Variants in CPNE3 observed in about 807,000 individuals in gnomAD.
CPNE3 encodes copine 3.
In CPNE3, 68 loss-of-function variants were observed where a neutral mutation model predicts 63.9. That is an observed-to-expected ratio of 1.06 (90% confidence interval 0.87 to 1.30). The LOEUF (loss-of-function observed/expected upper bound fraction) is 1.30. Ranked by LOEUF, CPNE3 falls within the 50% of genes most tolerant of loss-of-function variation. The pLI, the probability that CPNE3 is intolerant of heterozygous loss-of-function variation, is 0.00. For missense variants in CPNE3, 665 were observed against 578.1 expected (o/e 1.15, Z -1.54); for synonymous variants, 219 against 197.5 (o/e 1.11, Z -0.91).
At chr8:86,536,346 T>C (rs1279231374) in intron 6 of CPNE3, among the ~76,000 whole-genome samples, 1 of 149,380 alleles carries the variant, frequency 6.7e-6, no homozygotes, top group African/African-American at 2.5e-5. Flanking sequence ...ACTTAACATA[T>C]CCTGGAGATC....
At chr8:86,539,919 C>T (rs1381463510) in intron 7 of CPNE3, among the ~76,000 whole-genome samples, 1 of 152,140 alleles carries the variant, frequency 6.6e-6, no homozygotes, top group Non-Finnish European at 1.5e-5. Context: ...CCCGTCTCGG[C>T]CTCCCAAAGT....
chr8:86,540,475 C>A (rs923003306), intron 8 of CPNE3, 141 bp downstream of exon 8: 4 of 375,910 alleles, frequency 1.1e-5, no homozygotes, highest in African/African-American at 8.5e-5. Flanking sequence ...GTGTAGAATA[C>A]TAAAATAGAA....
intron 16 of CPNE3, among the ~76,000 whole-genome samples, chr8:86,557,967 A>C (rs921167686): frequency 6.6e-6 from 1 of 152,202 alleles, no homozygotes; most frequent in African/African-American, 2.4e-5. Flanking sequence ...TTGTAAAAAA[A>C]AGTAAAAAAA....
chr8:86,526,267 G>A (rs1028835843), intron 2 of CPNE3, among the ~76,000 whole-genome samples: 2 of 151,918 alleles, frequency 1.3e-5, no homozygotes, highest in African/African-American at 4.8e-5. Flanking sequence ...CCCCAAATTT[G>A]ATCTTGTTCC....
At chr8:86,555,680 T>A (rs1394015306) in intron 15 of CPNE3, among the ~76,000 whole-genome samples, 2 of 152,066 alleles carry the variant, frequency 1.3e-5, no homozygotes, top group African/African-American at 4.8e-5. Flanking sequence ...TTTGTGTGTA[T>A]TTTAGCTTCT....
intron 2 of CPNE3, among the ~76,000 whole-genome samples, chr8:86,515,929 C>T (rs137932978): frequency 1.7e-3 from 254 of 152,082 alleles, no homozygotes; most frequent in Middle Eastern, 6.8e-3. Flanking sequence ...GGATGGGAAA[C>T]GAAAAGGGAA....
At chr8:86,552,779 G>C (rs1821209608) in intron 14 of CPNE3, among the ~76,000 whole-genome samples, 1 of 148,420 alleles carries the variant, frequency 6.7e-6, no homozygotes, top group South Asian at 2.1e-4. Flanking sequence ...GCATAATTCA[G>C]TTTTAATTAA....
At chr8:86,546,024 A>G (rs1481949831) in intron 9 of CPNE3, among the ~76,000 whole-genome samples, 1 of 152,156 alleles carries the variant, frequency 6.6e-6, no homozygotes, top group East Asian at 1.9e-4. Flanking sequence ...AGGGGAAGGA[A>G]GATCATTCTT....
Position 86,551,069 on chromosome 8 carries a change from GT to G in CPNE3, c.1041del (p.Phe347LeufsTer17). On this transcript the variant is annotated frameshift_variant, in exon 13 of 17. Transcript: ENST00000517490. LOFTEE classifies it high-confidence loss of function. ...YDADKMFPAF[G>X]FGAQIPPQWQ... The stretch of plus-strand genomic sequence containing the variant: ...AGTGATAAGATGTTTCCAGCTTTTG[GT>G]TTTGGCGCTCAGATACCTCCTCAGT... The G allele has an allele frequency of 6.2e-7, 1 of 1,608,742 alleles. No homozygotes were observed.
chr8:86,558,174 C>G, intron 16 of CPNE3, 114 bp from the exon 17 acceptor site: 1 of 758,390 alleles, frequency 1.3e-6, no homozygotes. Flanking sequence ...AGGTACAGGC[C>G]TATGAATTAG....
At chr8:86,557,129 TTTG>T (rs1418723432) in intron 16 of CPNE3, among the ~76,000 whole-genome samples, 8 of 152,184 alleles carry the variant, frequency 5.3e-5, no homozygotes, top group South Asian at 2.1e-4. Flanking sequence ...CGCATGGGTT[TTTG>T]TTGTTGTTGT....
intron 2 of CPNE3, among the ~76,000 whole-genome samples, chr8:86,524,046 G>C (rs1161979863): frequency 6.6e-6 from 1 of 152,226 alleles, no homozygotes; most frequent in African/African-American, 2.4e-5. Context: ...GAAAATGGCA[G>C]TGGGAATACC....
At chr8:86,540,083 T>C (rs1162420304) in intron 7 of CPNE3, among the ~76,000 whole-genome samples, 162 bp from the exon 8 acceptor site, 1 of 152,216 alleles carries the variant, frequency 6.6e-6, no homozygotes, top group African/African-American at 2.4e-5. Flanking sequence ...ATGTAGCAGT[T>C]GTATAATATT....
At chr8:86,526,117 T>A (rs1053705538) in intron 2 of CPNE3, among the ~76,000 whole-genome samples, 6 of 152,040 alleles carry the variant, frequency 3.9e-5, no homozygotes, top group African/African-American at 1.2e-4. Flanking sequence ...AAATCCCAGC[T>A]ACTTGGGAGG....
intron 14 of CPNE3, among the ~76,000 whole-genome samples, chr8:86,552,006 T>C (rs1274842524): frequency 6.6e-6 from 1 of 152,220 alleles, no homozygotes; most frequent in East Asian, 1.9e-4. Flanking sequence ...ATCCAAGTGC[T>C]GCTTCTTTTT....
intron 12 of CPNE3, 105 bp from the exon 13 acceptor site, chr8:86,550,941 C>T: frequency 1.8e-6 from 2 of 1,140,268 alleles, no homozygotes; most frequent in East Asian, 2.6e-5. Context: ...TTTGTTTTAT[C>T]TTCATACTTT....
At chr8:86,551,272 A>G (rs1044790786) in intron 14 of CPNE3, 38 bp downstream of exon 14, 15 of 1,315,098 alleles carry the variant, frequency 1.1e-5, no homozygotes, top group Non-Finnish European at 1.5e-5. Context: ...TCAAATGGAA[A>G]GGCTCACTAG....
At chr8:86,555,585 G>A (rs1821305169) in intron 15 of CPNE3, among the ~76,000 whole-genome samples, 1 of 152,154 alleles carries the variant, frequency 6.6e-6, no homozygotes, top group Non-Finnish European at 1.5e-5. Flanking sequence ...ACTACTTGAT[G>A]TAACATTTTA....
chr8:86,529,038 A>G lies in CPNE3; in HGVS notation c.226A>G (p.Lys76Glu). The part of the protein sequence containing the change: ...DYYFEVVQKL[K>E]FGVYDIDNKT... ...CTACTTTGAAGTGGTTCAGAAATTGAAATTTGGGGTTTATGACATCGACAA... is the reference window on the plus strand; with the variant it reads ...CTACTTTGAAGTGGTTCAGAAATTGGAATTTGGGGTTTATGACATCGACAA... Residue 76 changes from lysine to glutamate, a missense_variant, in exon 4 of 17, where the codon AAA (lysine) becomes GAA (glutamate). Physicochemically the swap from Lys to Glu is moderately conservative, Grantham distance 56. Transcript: ENST00000517490. 6.2e-7 allele frequency: 1 copy of G among 1,614,006 alleles called. No individual in the cohort carries two copies. Among genetic ancestry groups the G allele is most frequent in the Non-Finnish European group, 8.5e-7 (1 of 1,179,952 alleles).
Sources: gnomAD v4.1 joint callset for allele counts (sites outside exome capture counted in the v4.1 genomes callset) on GRCh38, gnomAD v4.1.1 for gene constraint, MANE v1.5 for transcripts, NCBI Gene and HGNC (gene_info 2026-07-23, HGNC 2026-07-21) for gene names.